The following FMN1 variants were observed in gnomAD, a reference collection of about 807,000 sequenced individuals.
FMN1 encodes the protein formin 1, also known as formin-1.
FMN1 carries 110 observed loss-of-function variants against 132.4 expected under a neutral mutation model. That is an observed-to-expected ratio of 0.83 (90% CI 0.71 to 0.97). The LOEUF is 0.97. FMN1 is among the 50% of genes least tolerant of loss of function. FMN1 has a pLI of 0.00. For missense variants in FMN1, 1,792 were observed against 1,705.3 expected, an observed-to-expected ratio of 1.05 and a Z score of -0.90; for synonymous variants, 722 against 651.7, an observed-to-expected ratio of 1.11 and a Z score of -1.64.
At chr15:32,956,188 G>A (rs911499426) in intron 9 of FMN1, among the ~76,000 whole-genome samples, 1 of 152,048 alleles carries the variant, frequency 6.6e-6, no homozygotes, top group African/African-American at 2.4e-5. Flanking sequence ...GCCCTCTTGT[G>A]GTGTGGGGTA....
Position 32,915,589 on chromosome 15 carries a change from A to C in FMN1, c.3227-5054T>G, listed in dbSNP as rs575339143. ...CACACCGCTCATAAACTGAACCAAC[A>C]AATACAAGCCTATGCAATTTTACAG... On this transcript the variant is annotated intron_variant, in intron 10 of 20. Coordinates refer to ENST00000616417, the MANE Select transcript of FMN1 (RefSeq NM_001277313.2). 7.2e-5 allele frequency among the ~76,000 whole-genome samples: 11 copies of C among 152,362 alleles called. No individual in the cohort carries two copies. In the South Asian group the frequency reaches 1.9e-3, roughly 26 times the overall value.
rs934217457 is a variant in FMN1 at position 32,863,390 on chromosome 15, T to C, written c.3836-6283A>G. 2.1e-4 allele frequency among the ~76,000 whole-genome samples: 32 copies of C among 152,208 alleles called. No individual in the cohort carries two copies. In the East Asian group the frequency reaches 4.8e-3, roughly 23 times the overall value. On this transcript the variant is annotated intron_variant, in intron 16 of 20. Coordinates refer to ENST00000616417, the MANE Select transcript of FMN1 (RefSeq NM_001277313.2). ...CGGAGCTTGCAGTGAGCCGAGATTG[T>C]GCCACTGCACTCCAGCCTGGGCGAC...
chr15:32,960,639 T>A (rs551990080), intron 9 of FMN1, among the ~76,000 whole-genome samples: 29 of 152,284 alleles, frequency 1.9e-4, no homozygotes, highest in African/African-American at 7.0e-4. Flanking sequence ...AATTTGCAGC[T>A]AATTTCATAA....
At chr15:32,888,511 C>T (rs917192245) in intron 15 of FMN1, among the ~76,000 whole-genome samples, 34 of 152,188 alleles carry the variant, frequency 2.2e-4, no homozygotes, top group Non-Finnish European at 4.4e-4. Context: ...ATGAGGTCGG[C>T]TATGGCATGG....
intron 4 of FMN1, chr15:33,151,059 G>T: frequency 7.8e-7 from 1 of 1,280,648 alleles, no homozygotes; most frequent in Non-Finnish European, 9.9e-7. Context: ...GAAGGGTTCA[G>T]AATATAAAGA....
intron 17 of FMN1, among the ~76,000 whole-genome samples, chr15:32,822,078 C>G (rs1397657627): frequency 6.6e-6 from 1 of 152,110 alleles, no homozygotes; most frequent in African/African-American, 2.4e-5. Context: ...AAGAGAAGAT[C>G]TGTGAGATAC....
At chr15:32,962,412 C>G (rs954741236) in intron 9 of FMN1, among the ~76,000 whole-genome samples, 10 of 151,836 alleles carry the variant, frequency 6.6e-5, no homozygotes, top group Non-Finnish European at 1.3e-4. Context: ...TAGGCATTAC[C>G]ATTCAGGACA....
chr15:33,067,419 C>G, intron 5 of FMN1: 2 of 1,614,032 alleles, frequency 1.2e-6, no homozygotes, highest in Non-Finnish European at 1.7e-6. Flanking sequence ...TCCTCTGGCT[C>G]CTGGCCACCA....
At chr15:32,810,525 T>C (rs529610964) in intron 17 of FMN1, among the ~76,000 whole-genome samples, 47 of 152,300 alleles carry the variant, frequency 3.1e-4, no homozygotes, top group Admixed American at 6.5e-4. Context: ...ATATACTATT[T>C]TCCACAGTTA....
At chr15:32,932,569 T>C (rs779897180) in intron 9 of FMN1, among the ~76,000 whole-genome samples, 1 of 152,292 alleles carries the variant, frequency 6.6e-6, no homozygotes, top group East Asian at 1.9e-4. Flanking sequence ...TGAGAAGCAC[T>C]GCTTCCCTGT....
chr15:32,823,970 C>T (rs1307220997), intron 17 of FMN1, among the ~76,000 whole-genome samples: 3 of 152,202 alleles, frequency 2.0e-5, no homozygotes, highest in Non-Finnish European at 4.4e-5. Context: ...TGTGCCCCTG[C>T]CAAAAGCCAT....
At position 32,888,303 on chromosome 15, in the gene FMN1, T is replaced by A; in HGVS notation, c.3715-11A>T. The A allele has an allele frequency of 6.2e-7, 1 of 1,601,352 alleles. No homozygotes were observed. The highest frequency in any genetic ancestry group is 1.1e-5 in the South Asian group (1 of 88,342). ...TTCTGTTCCAGCTTCCTAAGAGATA[T>A]GGTAAACAAAAGTACATTATACTTC... is the stretch of plus-strand genomic sequence containing the variant. On this transcript the variant is annotated splice_polypyrimidine_tract_variant and intron_variant, in intron 15 of 20. Transcript: ENST00000616417.
At chr15:33,170,839 A>T (rs1205994163) in intron 3 of FMN1, among the ~76,000 whole-genome samples, 1 of 152,122 alleles carries the variant, frequency 6.6e-6, no homozygotes. Flanking sequence ...AAAAAAAGAA[A>T]CTACCATATG....
In FMN1 at chr15:32,767,212, C is replaced by G. The variant is rs1282070170; in HGVS notation, c.*7098G>C. On this transcript the variant is annotated 3_prime_UTR_variant, in exon 21 of 21. Coordinates refer to ENST00000616417, the MANE Select transcript of FMN1 (RefSeq NM_001277313.2). ...CTCGTTCAAATTTTTCTCCTCCATG[C>G]GTCCTTTTTTTCTTGCTCATCCCAT... The G allele has an allele frequency of 6.6e-6, 1 of 152,198 alleles. No individual in the cohort carries two copies. The highest frequency in any genetic ancestry group is 1.5e-5 in the Non-Finnish European group (1 of 68,048). The allele number at this position is 152,198 out of a possible 1,614,324, so 9.4% of individuals were successfully genotyped here. A position where few individuals can be genotyped will look rare whatever the true frequency, so the allele number is the denominator to read the frequency against.
rs1444523400 is a variant in FMN1 at position 32,785,218 on chromosome 15, A to ATATATTTTTTTT, written c.4131-8300_4131-8299insAAAAAAAATATA. On this transcript the variant is annotated intron_variant, in intron 19 of 20. Coordinates refer to ENST00000616417, the MANE Select transcript of FMN1 (RefSeq NM_001277313.2). ...TGTGTGTGTATATATATATATATAT[A>ATATATTTTTTTT]TTTTTTTTTTTTTTTTTTTGTAGAG... Among the ~76,000 whole-genome samples the ATATATTTTTTTT allele has an allele frequency of 2.3e-4, 9 of 39,204 alleles. 1 individual carries two copies. The highest frequency in any genetic ancestry group is 3.6e-4 in the African/African-American group (3 of 8,388). 25.7% of individuals were successfully genotyped at this position (39,204 alleles called of 152,430 possible).
At chr15:32,871,307 G>A (rs562355245) in intron 16 of FMN1, among the ~76,000 whole-genome samples, 20 of 152,246 alleles carry the variant, frequency 1.3e-4, no homozygotes, top group Admixed American at 3.3e-4. Context: ...TCTGGGCCTC[G>A]GTATCGCGCT....
At chr15:32,828,092 A>C (rs2141140635) in intron 17 of FMN1, among the ~76,000 whole-genome samples, 1 of 152,272 alleles carries the variant, frequency 6.6e-6, no homozygotes, top group Non-Finnish European at 1.5e-5. Context: ...TGGGAGTTTG[A>C]AACCAGCCTG....
intron 2 of FMN1, among the ~76,000 whole-genome samples, chr15:33,190,867 T>C (rs1022041150): frequency 1.3e-5 from 2 of 152,080 alleles, no homozygotes; most frequent in Non-Finnish European, 2.9e-5. Flanking sequence ...ATGACAAACA[T>C]GAACGTTAAA....
At chr15:33,074,416 A>C (rs376701239) in intron 5 of FMN1, among the ~76,000 whole-genome samples, 9 of 152,328 alleles carry the variant, frequency 5.9e-5, no homozygotes, top group African/African-American at 2.2e-4. Context: ...TCATCCCATC[A>C]AAAGCCTGCA....
Sources: gnomAD v4.1 joint callset for allele counts (sites outside exome capture counted in the v4.1 genomes callset) on GRCh38, gnomAD v4.1.1 for gene constraint, MANE v1.5 for transcripts, NCBI Gene and HGNC (gene_info 2026-07-23, HGNC 2026-07-21) for gene names.